PRH1: variants seen among roughly 807,000 people sequenced by gnomAD.
PRH1 encodes the protein salivary acidic proline-rich phosphoprotein 1/2.
Under a neutral mutation model 7.9 loss-of-function variants are expected in PRH1, and 7 were observed. That is an observed-to-expected ratio of 0.89 (90% confidence interval 0.50 to 1.67). PRH1 has a LOEUF of 1.67. Among genes scored for constraint, PRH1 ranks in the 40% most tolerant of loss-of-function variants. PRH1 has a pLI of 0.00. For synonymous variants in PRH1, 45 were observed against 80.8 expected, an observed-to-expected ratio of 0.56 and a Z score of 2.38; for missense variants, 109 against 223.6, an observed-to-expected ratio of 0.49 and a Z score of 3.27.
At chr12:10,959,463 GA>G (rs1013880171) in intron 2 of PRH1, among the ~76,000 whole-genome samples, 16 of 151,564 alleles carry the variant, frequency 1.1e-4, no homozygotes, top group African/African-American at 3.9e-4. Flanking sequence ...AAAAGAGAAG[GA>G]AAAAAACGTA....
chr12:11,130,904 C>G (rs1325260741), intron 1 of PRH1, among the ~76,000 whole-genome samples: 2 of 148,032 alleles, frequency 1.4e-5, no homozygotes, highest in African/African-American at 4.9e-5. Context: ...ATGAGCACGT[C>G]TCAGTGGCAC....
intron 1 of PRH1, among the ~76,000 whole-genome samples, chr12:11,009,417 G>T (rs1366450180): frequency 6.6e-6 from 1 of 151,458 alleles, no homozygotes; most frequent in African/African-American, 2.4e-5. Context: ...TAAATATATA[G>T]AGATGGAAAT....
chr12:11,046,364 A>C (rs1257578909), intron 1 of PRH1, among the ~76,000 whole-genome samples: 2 of 152,180 alleles, frequency 1.3e-5, no homozygotes, highest in East Asian at 3.9e-4. Context: ...TGCATGGTAT[A>C]GGGACCAGAC....
At chr12:10,962,927 G>A (rs11054088) in intron 2 of PRH1, among the ~76,000 whole-genome samples, 36,995 of 152,022 alleles carry the variant, frequency 0.24, 4,555 homozygotes, top group Non-Finnish European at 0.25. Context: ...CCGCCACCAC[G>A]CCCTGCTAAT....
intron 1 of PRH1, among the ~76,000 whole-genome samples, chr12:11,121,480 G>T (rs532935559): frequency 6.6e-6 from 1 of 152,218 alleles, no homozygotes; most frequent in African/African-American, 2.4e-5. Context: ...CAAATTAAAT[G>T]GAAATACTTG....
At chr12:10,923,395 C>G (rs1157206748) in intron 2 of PRH1, among the ~76,000 whole-genome samples, 2 of 152,174 alleles carry the variant, frequency 1.3e-5, no homozygotes, top group Non-Finnish European at 2.9e-5. Context: ...TCCCAAAGTG[C>G]TGGAATTACA....
At chr12:11,120,487 G>GT (rs1945864237), downstream of PRH1, among the ~76,000 whole-genome samples, 1 of 152,122 alleles carries the variant, frequency 6.6e-6, no homozygotes, top group Non-Finnish European at 1.5e-5. Flanking sequence ...CTTCAACCCA[G>GT]TAACTCTACA....
intron 2 of PRH1, among the ~76,000 whole-genome samples, chr12:10,901,932 G>A (rs1000749347): frequency 6.6e-6 from 1 of 152,026 alleles, no homozygotes; most frequent in Non-Finnish European, 1.5e-5. Flanking sequence ...AAGAGAACAA[G>A]AATTCTACCA....
At chr12:11,064,528 A>G (rs1328737118) in intron 1 of PRH1, among the ~76,000 whole-genome samples, 1 of 152,108 alleles carries the variant, frequency 6.6e-6, no homozygotes, top group Non-Finnish European at 1.5e-5. Context: ...GAGTAGAATT[A>G]CAGGGTCATT....
At chr12:10,891,283 A>G (rs1949569806) in intron 2 of PRH1, among the ~76,000 whole-genome samples, 1 of 152,170 alleles carries the variant, frequency 6.6e-6, no homozygotes, top group African/African-American at 2.4e-5. Context: ...GAGATCCTTA[A>G]TCTTTTCACC....
chr12:11,082,076 T>C (rs1483085028), intron 1 of PRH1, among the ~76,000 whole-genome samples: 2 of 116,976 alleles, frequency 1.7e-5, no homozygotes, highest in East Asian at 2.1e-4. Flanking sequence ...TTTACTAATA[T>C]AACTTTCCTA....
chr12:11,049,870 T>C (rs1485124612), upstream of PRH1, among the ~76,000 whole-genome samples: 1 of 152,188 alleles, frequency 6.6e-6, no homozygotes, highest in Non-Finnish European at 1.5e-5. Flanking sequence ...AACCAATACA[T>C]TTATATGACA....
intron 1 of PRH1, among the ~76,000 whole-genome samples, chr12:11,016,708 T>G (rs1056367664): frequency 1.3e-5 from 2 of 152,224 alleles, no homozygotes; most frequent in African/African-American, 4.8e-5. Context: ...AAGGTGGATC[T>G]AATCAGTTTG....
chr12:10,954,605 C>T (rs1937860886), intron 2 of PRH1, among the ~76,000 whole-genome samples: 1 of 152,142 alleles, frequency 6.6e-6, no homozygotes, highest in Non-Finnish European at 1.5e-5. Context: ...GTACCTGGGA[C>T]CACATGTGTG....
rs1418979669 is a variant in PRH1 at position 11,086,993 on chromosome 12, G to T, written n.124-39805C>A. Among the ~76,000 whole-genome samples the T allele has an allele frequency of 2.2e-5, 2 of 92,306 alleles. 1 individual carries two copies. The highest frequency in any genetic ancestry group is 5.3e-5 in the Non-Finnish European group (2 of 37,426). The allele number at this position is 92,306 out of a possible 152,430, so 60.6% of individuals were successfully genotyped here. ...TTTGTTAGGAGTTAATATACTATTT[G>T]TATTACTACTTTCAAGTTTACCTCT... On this transcript the variant is annotated intron_variant and non_coding_transcript_variant, in intron 1 of 4. Coordinates refer to the PRH1 transcript ENST00000541977.
chr12:11,005,851 TTTAA>T (rs1435095398), intron 1 of PRH1: 1 of 152,158 alleles, frequency 6.6e-6, no homozygotes, highest in African/African-American at 2.4e-5. Context: ...ATATGAATTG[TTTAA>T]TTAAAATATT....
Position 10,883,067 on chromosome 12 carries a change from T to C in PRH1, c.94A>G (p.Ile32Val), listed in dbSNP as rs1423823730. Residue 32 changes from isoleucine to valine, a missense_variant, in exon 2 of 4, where the codon ATA (isoleucine) becomes GTA (valine). This residue lies in a region of PRH1 where 60 missense variants were observed against 76.5 expected (regional missense o/e 0.78). Transcript: ENST00000543626. The part of the protein sequence containing the change: ...DVSQEDVPLV[I>V]SDGGDSEQFL... ...AGAATTTATTGGGATTTACCTGATA[T>C]TACGAGGGGAACATCTTCCTGGCTG... The C allele has an allele frequency of 6.2e-7, 1 of 1,613,180 alleles. No individual in the cohort carries two copies. The highest frequency in any genetic ancestry group is 1.3e-5 in the African/African-American group (1 of 74,890).
intron 1 of PRH1, among the ~76,000 whole-genome samples, chr12:11,105,560 G>C (rs1382652951): frequency 2.6e-5 from 4 of 152,148 alleles, no homozygotes; most frequent in Non-Finnish European, 4.4e-5. Context: ...CGTCCTTGCT[G>C]TAAGATAAAA....
intron 2 of PRH1, chr12:10,895,711 A>G (rs1829914151): frequency 6.6e-6 from 1 of 152,212 alleles, no homozygotes; most frequent in Non-Finnish European, 1.5e-5. Flanking sequence ...TCTACAGGAA[A>G]CATATCCTGG....
Sources: gnomAD v4.1 joint callset for allele counts (sites outside exome capture counted in the v4.1 genomes callset) on GRCh38, gnomAD v4.1.1 for gene constraint, gnomAD v4.1.1 regional missense constraint, MANE v1.5 for transcripts, NCBI Gene and HGNC (gene_info 2026-07-23, HGNC 2026-07-21) for gene names.